Variants in METTL13 observed in about 807,000 individuals in gnomAD.
METTL13 encodes eEF1A lysine and N-terminal methyltransferase.
METTL13 carries 52 observed loss-of-function variants against 67.4 expected under a neutral mutation model. That is an observed-to-expected ratio of 0.77 (90% confidence interval 0.62 to 0.97). The LOEUF is 0.97. Ranked by LOEUF, METTL13 falls within the 50% of genes least tolerant of loss-of-function variation. The pLI, the probability that METTL13 is intolerant of heterozygous loss-of-function variation, is 0.00. For missense variants in METTL13, 825 were observed against 889.6 expected (o/e 0.93, Z 0.92); for synonymous variants, 354 against 353.6 (o/e 1.00, Z -0.01).
chr1:171,782,276 G>A (rs7541128), intron 1 of METTL13, among the ~76,000 whole-genome samples, 156 bp downstream of exon 1: 78,201 of 151,940 alleles, frequency 0.51, 20,723 homozygotes, highest in East Asian at 0.64. Context: ...AGACAAACTA[G>A]AATATTCTTT....
intron 3 of METTL13, 113 bp from the exon 4 acceptor site, chr1:171,787,622 G>A (rs1252627383): frequency 2.2e-6 from 2 of 926,134 alleles, no homozygotes; most frequent in African/African-American, 3.3e-5. Flanking sequence ...TGGAGTAGTT[G>A]TTGTCTAGAA....
chr1:171,782,357 G>T lies in METTL13; in HGVS notation c.153+237G>T, dbSNP rs111369627. On this transcript the variant is annotated intron_variant, in intron 1 of 7. Coordinates refer to ENST00000361735, the MANE Select transcript of METTL13 (RefSeq NM_015935.5). ...AGACCGAGGTGGGAGGATCGCTTGA[G>T]CCCTGGAGTTAAAGACCAGCCTGGG... Among the ~76,000 whole-genome samples the T allele has an allele frequency of 7.6e-3, 1,156 of 152,200 alleles. 19 individuals are homozygous for T. Among genetic ancestry groups the T allele is most frequent in the African/African-American group, 0.027 (1,102 of 41,522 alleles).
At chr1:171,782,866 G>A (rs1245242664) in intron 1 of METTL13, among the ~76,000 whole-genome samples, 3 of 152,186 alleles carry the variant, frequency 2.0e-5, no homozygotes, top group Non-Finnish European at 4.4e-5. Context: ...CAATGGGTTT[G>A]GTATAGGTGA....
chr1:171,784,554 G>T, intron 2 of METTL13, 55 bp downstream of exon 2: 1 of 1,440,684 alleles, frequency 6.9e-7, no homozygotes, highest in Non-Finnish European at 9.1e-7. Context: ...CAGGGGCTGG[G>T]GCTTGGGCTG....
intron 6 of METTL13, 116 bp downstream of exon 6, chr1:171,792,351 C>CTTCA (rs1401828686): frequency 8.7e-7 from 1 of 1,144,834 alleles, no homozygotes; most frequent in Non-Finnish European, 1.2e-6. Flanking sequence ...TCGTTCCAGT[C>CTTCA]TTCAGCCTGT....
Position 171,783,870 on chromosome 1 carries a change from G to C in METTL13, c.284G>C (p.Arg95Pro). The C allele has an allele frequency of 6.2e-7, 1 of 1,614,152 alleles. No homozygotes were observed. Among genetic ancestry groups the C allele is most frequent in the South Asian group, 1.1e-5 (1 of 91,078 alleles). The change falls in exon 2 of 8, where the codon CGG becomes CCG. Residue 95 changes from arginine to proline, a missense_variant. Transcript: ENST00000361735. ...ATGAAGGAATGTAATGCCACCCGAC[G>C]GCCCCAGATGAGCTTCTTGAAGATG... is the stretch of plus-strand genomic sequence containing the variant. Reference protein sequence around the residue: ...KQMKECNATRRPQMSFLKMDM... With the variant: ...KQMKECNATRPPQMSFLKMDM...
rs753826741 is a variant in METTL13 at position 171,797,164 on chromosome 1, A to G, written c.*408A>G. The stretch of plus-strand genomic sequence containing the variant: ...AGTTCTATAGGAGTGATCTCAAGTG[A>G]GATAGCAGAGCAAGATGCCAAAAGA... On this transcript the variant is annotated 3_prime_UTR_variant, in exon 8 of 8. Transcript: ENST00000361735. 8 of 170,938 alleles carry G rather than the reference A, an allele frequency of 4.7e-5. No individual in the cohort carries two copies. Among genetic ancestry groups the G allele is most frequent in the Non-Finnish European group, 1.0e-4 (8 of 79,230 alleles). The allele number at this position is 170,938 out of a possible 1,614,324, so 10.6% of individuals were successfully genotyped here.
chr1:171,788,770 G>A lies in METTL13; in HGVS notation c.1309+840G>A, dbSNP rs117194357. On this transcript the variant is annotated intron_variant, in intron 4 of 7. Coordinates refer to ENST00000361735, the MANE Select transcript of METTL13 (RefSeq NM_015935.5). The stretch of plus-strand genomic sequence containing the variant: ...CCAGTGCATCTTCCCTGTCTGAGGC[G>A]CAGAGATTCAAGGATGGAAGCTGAA... Among the ~76,000 whole-genome samples, 497 of 152,316 alleles carry A rather than the reference G, an allele frequency of 3.3e-3. 7 individuals carry two copies. The East Asian group carries it at 0.047, about 14-fold the overall frequency.
chr1:171,781,865 C>T lies in METTL13; in HGVS notation c.-103C>T, dbSNP rs1468916701. ...TGGCTGTTTTTCCGTGGAAAGAATT[C>T]CCACTGCAGTGTCCCGGAGCCTGCG... On this transcript the variant is annotated 5_prime_UTR_variant, in exon 1 of 8. Transcript: ENST00000361735. The T allele has an allele frequency of 1.5e-5, 23 of 1,533,426 alleles. No individual in the cohort carries two copies. In the South Asian group the frequency reaches 2.1e-4, roughly 14 times the overall value. 95.0% of individuals were successfully genotyped at this position (1,533,426 alleles called of 1,614,324 possible). A position where few individuals can be genotyped will look rare whatever the true frequency, so the allele number is the denominator to read the frequency against.
At chr1:171,784,558 TGGGCTG>T (rs1012608508) in intron 2 of METTL13, 59 bp downstream of exon 2, 3 of 1,391,838 alleles carry the variant, frequency 2.2e-6, no homozygotes, top group Admixed American at 3.1e-5. Flanking sequence ...GGCTGGGGCT[TGGGCTG>T]GGGCTGGGGC....
In METTL13 at chr1:171,783,797, T is replaced by C; in HGVS notation, c.211T>C (p.Tyr71His). 1 of 1,614,160 alleles carries C rather than the reference T, an allele frequency of 6.2e-7. No individual in the cohort carries two copies. Among genetic ancestry groups the C allele is most frequent in the East Asian group, 2.2e-5 (1 of 44,878 alleles). ...ELSEQLYDVG[Y>H]RDIVNIDISE... Reference sequence around the variant, plus strand: ...GAGTGAGCAACTGTATGATGTGGGCTATCGGGATATAGTGAACATCGACAT... The same window carrying C: ...GAGTGAGCAACTGTATGATGTGGGCCATCGGGATATAGTGAACATCGACAT... Residue 71 changes from tyrosine to histidine, a missense_variant, in exon 2 of 8, where the codon TAT becomes CAT. Coordinates refer to ENST00000361735, the MANE Select transcript of METTL13 (RefSeq NM_015935.5).
chr1:171,795,916 C>T (rs951646865), intron 7 of METTL13, among the ~76,000 whole-genome samples: 3 of 152,184 alleles, frequency 2.0e-5, no homozygotes, highest in Non-Finnish European at 4.4e-5. Context: ...GATTTTGGCT[C>T]ACTGCAACCT....
At chr1:171,787,327 G>T (rs1657051177) in intron 3 of METTL13, among the ~76,000 whole-genome samples, 1 of 152,156 alleles carries the variant, frequency 6.6e-6, no homozygotes, top group South Asian at 2.1e-4. Context: ...TGGAGTGGTT[G>T]TTTCTCCCAT....
chr1:171,794,734 A>G (rs1657311302), intron 7 of METTL13, among the ~76,000 whole-genome samples: 1 of 152,220 alleles, frequency 6.6e-6, no homozygotes, highest in African/African-American at 2.4e-5. Flanking sequence ...TCGCAAGAGT[A>G]ATCACTGTCT....
In METTL13 at chr1:171,797,027, T is replaced by G; in HGVS notation, c.*271T>G. On this transcript the variant is annotated 3_prime_UTR_variant, in exon 8 of 8. Coordinates refer to ENST00000361735, the MANE Select transcript of METTL13 (RefSeq NM_015935.5). ...GAGTGGAGTTCCCTGCTGAAGCCCC[T>G]AGCACACACTGCATGCCTTAACAAG... is the stretch of plus-strand genomic sequence containing the variant. 2.3e-6 allele frequency: 1 copy of G among 435,854 alleles called. No individual in the cohort carries two copies. Among genetic ancestry groups the G allele is most frequent in the Non-Finnish European group, 4.2e-6 (1 of 235,642 alleles). The allele number at this position is 435,854 out of a possible 1,614,324, so 27.0% of individuals were successfully genotyped here.
At chr1:171,786,132 A>T (rs527264846) in intron 3 of METTL13, 54 bp downstream of exon 3, 1 of 1,529,024 alleles carries the variant, frequency 6.5e-7, no homozygotes, top group Admixed American at 1.9e-5. Context: ...GTTAGCAGCC[A>T]GGGAGGCAGA....
rs1416890093 is a variant in METTL13 at position 171,781,902 on chromosome 1, A to G, written c.-66A>G. The stretch of plus-strand genomic sequence containing the variant: ...TCCCGGAGCCTGCGTGTGGTGGGCA[A>G]GCTCCTCAAATGGTATCTCACAGGG... On this transcript the variant is annotated 5_prime_UTR_variant, in exon 1 of 8. Coordinates refer to ENST00000361735, the MANE Select transcript of METTL13 (RefSeq NM_015935.5). The G allele has an allele frequency of 1.1e-5, 17 of 1,588,820 alleles. No individual in the cohort carries two copies. The highest frequency in any genetic ancestry group is 2.7e-5 in the African/African-American group (2 of 73,980).
rs756117113 is a variant in METTL13, at chr1:171,784,108, C to A, written c.522C>A (p.Phe174Leu). 6.2e-7 allele frequency: 1 copy of A among 1,614,244 alleles called. No individual in the cohort carries two copies. The highest frequency in any genetic ancestry group is 8.5e-7 in the Non-Finnish European group (1 of 1,180,044). The change falls in exon 2 of 8, where the codon TTC (phenylalanine) becomes TTA (leucine). Residue 174 changes from phenylalanine (F) to leucine (L), a missense_variant. Coordinates refer to ENST00000361735, the MANE Select transcript of METTL13 (RefSeq NM_015935.5). ...TCCTGAAGAAAGCAGTGGGCCACTT[C>A]TCCCGGGAGGGGTGGATGGTGAGGG... ...AHILKKAVGH[F>L]SREGWMVRVH...
intron 3 of METTL13, among the ~76,000 whole-genome samples, chr1:171,786,419 TG>T (rs1657012840): frequency 6.6e-6 from 1 of 152,196 alleles, no homozygotes; most frequent in Admixed American, 6.6e-5. Flanking sequence ...TTGGTCATTT[TG>T]CTTCTTAGAA....
Sources: allele counts gnomAD v4.1 joint callset (sites outside exome capture counted in the v4.1 genomes callset), GRCh38; gene constraint gnomAD v4.1.1; transcripts MANE v1.5; gene names NCBI Gene and HGNC (gene_info 2026-07-23, HGNC 2026-07-21).